NR6A1: variants seen among roughly 807,000 people sequenced by gnomAD.
NR6A1 encodes the protein nuclear receptor subfamily 6 group A member 1.
A neutral mutation model predicts 59.1 loss-of-function variants in NR6A1; 7 were observed. That is an observed-to-expected ratio of 0.12 (90% CI 0.07 to 0.22). The LOEUF (loss-of-function observed/expected upper bound fraction) is 0.22, where lower values mean the gene tolerates loss of function less well. Ranked by LOEUF, NR6A1 falls within the 10% of genes least tolerant of loss-of-function variation. The pLI, the probability that NR6A1 is intolerant of heterozygous loss-of-function variation, is 1.00. For missense variants in NR6A1, 468 were observed against 611.6 expected, an observed-to-expected ratio of 0.77 and a Z score of 2.48; for synonymous variants, 243 against 236.1, an observed-to-expected ratio of 1.03 and a Z score of -0.27.
At chr9:124,631,375 A>G (rs1836436612) in intron 2 of NR6A1, among the ~76,000 whole-genome samples, 1 of 152,258 alleles carries the variant, frequency 6.6e-6, no homozygotes, top group South Asian at 2.1e-4. Context: ...ATTAAATAAA[A>G]TGATTTTCTT....
intron 1 of NR6A1, among the ~76,000 whole-genome samples, chr9:124,744,685 C>G (rs894810241): frequency 6.6e-6 from 1 of 152,192 alleles, no homozygotes; most frequent in Non-Finnish European, 1.5e-5. Flanking sequence ...AGATGCCTGT[C>G]AGAAGCAGCT....
chr9:124,647,684 G>A (rs1419178886), intron 2 of NR6A1, among the ~76,000 whole-genome samples: 1 of 142,208 alleles, frequency 7.0e-6, no homozygotes, highest in Non-Finnish European at 1.5e-5. Flanking sequence ...CCGAGATCAT[G>A]CCACTACACT....
intron 1 of NR6A1, among the ~76,000 whole-genome samples, chr9:124,768,735 A>G (rs1841014027): frequency 6.6e-6 from 1 of 152,240 alleles, no homozygotes; most frequent in African/African-American, 2.4e-5. Flanking sequence ...TAAAATTACC[A>G]TTGAGTTCTT....
In NR6A1 at chr9:124,541,268, T is replaced by A. The variant is rs191511595; in HGVS notation, c.442-1081A>T. On this transcript the variant is annotated intron_variant, in intron 4 of 9. Transcript: ENST00000487099. ...ATCCACAACATACAAGGAACTCCCATAACTCAGGAACAGAAAAAAAACAAA... is the reference window on the plus strand; with the variant it reads ...ATCCACAACATACAAGGAACTCCCAAAACTCAGGAACAGAAAAAAAACAAA... Among the ~76,000 whole-genome samples the A allele has an allele frequency of 1.2e-3, 176 of 151,834 alleles. 1 individual carries two copies. The highest frequency in any genetic ancestry group is 2.5e-3 in the Admixed American group (38 of 15,262).
Position 124,598,746 on chromosome 9 carries a change from T to TC in NR6A1, c.143-44177dup, listed in dbSNP as rs374256452. ...GCATCCTCCTTGGTCTTCTCCCTTC[T>TC]CCTTCACCGAAAGAGCTTCTAGCTT... On this transcript the variant is annotated intron_variant, in intron 2 of 9. Transcript: ENST00000487099. 4.7e-5 allele frequency: 44 copies of TC among 931,446 alleles called. 1 individual carries two copies. The highest frequency in any genetic ancestry group is 4.4e-4 in the African/African-American group (27 of 60,900). The allele number at this position is 931,446 out of a possible 1,614,324, so 57.7% of individuals were successfully genotyped here.
At chr9:124,686,916 C>T (rs1838350536) in intron 2 of NR6A1, among the ~76,000 whole-genome samples, 1 of 152,020 alleles carries the variant, frequency 6.6e-6, no homozygotes, top group African/African-American at 2.4e-5. Flanking sequence ...GTTGCCCAGG[C>T]TGGTCTTGAA....
chr9:124,602,545 T>A (rs1835475395), intron 2 of NR6A1, among the ~76,000 whole-genome samples: 1 of 152,216 alleles, frequency 6.6e-6, no homozygotes, highest in South Asian at 2.1e-4. Context: ...CCTTTGGTGC[T>A]CCTATAAAGG....
intron 2 of NR6A1, among the ~76,000 whole-genome samples, chr9:124,649,233 CAAAAAAAAAAA>C (rs78432505): frequency 4.8e-5 from 2 of 41,412 alleles, no homozygotes; most frequent in South Asian, 1.2e-3. Context: ...GGTACTGGCA[CAAAAAAAAAAA>C]AAAAAAAAAA....
chr9:124,741,269 A>C (rs1354971360), intron 1 of NR6A1, among the ~76,000 whole-genome samples: 1 of 152,008 alleles, frequency 6.6e-6, no homozygotes, highest in Admixed American at 6.5e-5. Flanking sequence ...TTGTCACACC[A>C]CATGTTTTGG....
Position 124,593,699 on chromosome 9 carries a change from G to A in NR6A1, c.143-39129C>T, listed in dbSNP as rs905606679. Reference sequence around the variant, plus strand: ...AATTTTCACAGAGAATTCATTCGGTGTCATTGTTTTGGTTTTAGGTGTCTG... The same window carrying A: ...AATTTTCACAGAGAATTCATTCGGTATCATTGTTTTGGTTTTAGGTGTCTG... On this transcript the variant is annotated intron_variant, in intron 2 of 9. Transcript: ENST00000487099. Among the ~76,000 whole-genome samples, 4 of 152,172 alleles carry A rather than the reference G, an allele frequency of 2.6e-5. No individual in the cohort carries two copies. The East Asian group carries it at 7.7e-4, about 29-fold the overall frequency.
chr9:124,707,041 T>C (rs1839154032), intron 2 of NR6A1, among the ~76,000 whole-genome samples: 1 of 152,222 alleles, frequency 6.6e-6, no homozygotes, highest in Admixed American at 6.5e-5. Context: ...AATCTGTAGA[T>C]TAATGTTTAT....
At chr9:124,543,274 G>A (rs1024555496) in intron 4 of NR6A1, among the ~76,000 whole-genome samples, 2 of 152,242 alleles carry the variant, frequency 1.3e-5, no homozygotes, top group South Asian at 2.1e-4. Flanking sequence ...GGCATCCTCT[G>A]TTACCTCTCA....
chr9:124,680,005 T>C (rs992660563), intron 2 of NR6A1, among the ~76,000 whole-genome samples: 1 of 152,174 alleles, frequency 6.6e-6, no homozygotes, highest in Admixed American at 6.5e-5. Flanking sequence ...AGGGTGATTA[T>C]TTATATCTCA....
At chr9:124,564,089 A>C (rs1834163978) in intron 2 of NR6A1, among the ~76,000 whole-genome samples, 1 of 152,100 alleles carries the variant, frequency 6.6e-6, no homozygotes, top group Non-Finnish European at 1.5e-5. Context: ...AAAAAAACCA[A>C]CAACAACAAC....
At chr9:124,613,060 G>C (rs1835800266) in intron 2 of NR6A1, among the ~76,000 whole-genome samples, 1 of 152,178 alleles carries the variant, frequency 6.6e-6, no homozygotes, top group Non-Finnish European at 1.5e-5. Context: ...TTCAAAGCCA[G>C]GAGTGGTGGC....
At chr9:124,633,389 C>T (rs1836504425) in intron 2 of NR6A1, among the ~76,000 whole-genome samples, 1 of 112,564 alleles carries the variant, frequency 8.9e-6, no homozygotes, top group East Asian at 2.6e-4. Flanking sequence ...GGCGACAGAG[C>T]GAAACTCCGT....
At chr9:124,738,983 C>T (rs115810022) in intron 1 of NR6A1, among the ~76,000 whole-genome samples, 1,540 of 146,588 alleles carry the variant, frequency 0.011, 25 homozygotes, top group African/African-American at 0.037. Context: ...GCCCAGACAA[C>T]GAAGCAAGAC....
intron 2 of NR6A1, among the ~76,000 whole-genome samples, chr9:124,604,304 TG>T (rs1480752086): frequency 6.6e-6 from 1 of 152,154 alleles, no homozygotes; most frequent in Non-Finnish European, 1.5e-5. Context: ...TTTAAAACTC[TG>T]TTCCTCTCTC....
intron 2 of NR6A1, among the ~76,000 whole-genome samples, chr9:124,678,249 G>A (rs561385841): frequency 1.3e-5 from 2 of 152,192 alleles, no homozygotes; most frequent in East Asian, 1.9e-4. Flanking sequence ...ATTCCTACAC[G>A]GTCTTAGCCC....
Sources: gnomAD v4.1 joint callset for allele counts (sites outside exome capture counted in the v4.1 genomes callset) on GRCh38, gnomAD v4.1.1 for gene constraint, MANE v1.5 for transcripts, NCBI Gene and HGNC (gene_info 2026-07-23, HGNC 2026-07-21) for gene names.